FER: variants seen among roughly 807,000 people sequenced by gnomAD.
The protein encoded by FER is tyrosine-protein kinase Fer.
In FER, 63 loss-of-function variants were observed where a neutral mutation model predicts 111.0. The observed-to-expected ratio is 0.57, with a 90% CI of 0.46 to 0.70. FER has a LOEUF of 0.70. Ranked by LOEUF, FER falls within the 30% of genes least tolerant of loss-of-function variation. FER has a pLI of 0.00. For missense variants in FER, 914 were observed against 954.0 expected (o/e 0.96, Z 0.55); for synonymous variants, 327 against 313.9 (o/e 1.04, Z -0.44).
chr5:109,034,867 A>G (rs1770147477), intron 13 of FER, among the ~76,000 whole-genome samples: 1 of 152,096 alleles, frequency 6.6e-6, no homozygotes, highest in Non-Finnish European at 1.5e-5. Context: ...TTGCTTATAT[A>G]TAGGGTTTGG....
rs745831489 is a variant in FER at position 109,047,139 on chromosome 5, A to G, written c.1865A>G (p.Lys622Arg). 1.9e-6 allele frequency: 3 copies of G among 1,607,760 alleles called. No individual in the cohort carries two copies. Among genetic ancestry groups the G allele is most frequent in the Non-Finnish European group, 8.5e-7 (1 of 1,176,644 alleles). Reference sequence around the variant, plus strand: ...CAATATGATCATCCCAATATTGTCAAACTTATAGGAGTTTGCACACAAAGA... The same window carrying G: ...CAATATGATCATCCCAATATTGTCAGACTTATAGGAGTTTGCACACAAAGA... ...LKQYDHPNIV[K>R]LIGVCTQRQP... The change falls in exon 16 of 20, where the codon AAA (lysine) becomes AGA (arginine). Residue 622 changes from lysine (K) to arginine (R), a missense_variant. Physicochemically the swap from Lys to Arg is conservative, Grantham distance 26 (BLOSUM62 2). Around this residue, in one of 3 missense-constraint regions of FER, gnomAD observed 774 missense variants for 782.6 expected, o/e 0.99. Coordinates refer to ENST00000281092, the MANE Select transcript of FER (RefSeq NM_005246.4).
intron 13 of FER, among the ~76,000 whole-genome samples, chr5:108,962,224 A>G (rs1333131697): frequency 1.3e-5 from 2 of 152,212 alleles, no homozygotes; most frequent in Admixed American, 6.5e-5. Flanking sequence ...CACTGCCTTC[A>G]GAGCTTGTGT....
At chr5:108,990,984 T>C (rs536875521) in intron 13 of FER, among the ~76,000 whole-genome samples, 23 of 151,870 alleles carry the variant, frequency 1.5e-4, no homozygotes, top group African/African-American at 5.1e-4. Context: ...AGAATGAATA[T>C]GTATTTGCAT....
At chr5:108,857,117 T>G (rs963747406) in intron 5 of FER, among the ~76,000 whole-genome samples, 1 of 152,116 alleles carries the variant, frequency 6.6e-6, no homozygotes, top group African/African-American at 2.4e-5. Flanking sequence ...CACATTTGCT[T>G]TATGCTTTTC....
At chr5:109,091,473 C>A (rs1482567329) in intron 16 of FER, among the ~76,000 whole-genome samples, 1 of 152,184 alleles carries the variant, frequency 6.6e-6, no homozygotes, top group African/African-American at 2.4e-5. Flanking sequence ...TCCACGGAGA[C>A]CCTCAGAGCC....
rs1759033004 is a variant in FER, at chr5:109,187,651, G to A, written c.*76G>A. 6.6e-7 allele frequency: 1 copy of A among 1,505,450 alleles called. No homozygotes were observed. Among genetic ancestry groups the A allele is most frequent in the Non-Finnish European group, 9.1e-7 (1 of 1,095,104 alleles). 93.3% of individuals were successfully genotyped at this position (1,505,450 alleles called of 1,614,324 possible). A position where few individuals can be genotyped will look rare whatever the true frequency, so the allele number is the denominator to read the frequency against. ...TAACATTATTGTTCTCATTAACAAT[G>A]AATTTATACCACATTACCTTCGACA... is the stretch of plus-strand genomic sequence containing the variant. On this transcript the variant is annotated 3_prime_UTR_variant, in exon 20 of 20. Coordinates refer to ENST00000281092, the MANE Select transcript of FER (RefSeq NM_005246.4).
intron 16 of FER, among the ~76,000 whole-genome samples, chr5:109,094,133 T>A (rs1747175086): frequency 7.3e-5 from 11 of 151,124 alleles, no homozygotes; most frequent in Admixed American, 7.3e-4. Context: ...TGTATCAGCC[T>A]CCAGACATAA....
chr5:108,796,499 G>A (rs1756034311), intron 2 of FER, among the ~76,000 whole-genome samples: 1 of 152,208 alleles, frequency 6.6e-6, no homozygotes, highest in Admixed American at 6.5e-5. Context: ...GTCCAGAAAT[G>A]CTGTCTGTTA....
At chr5:108,887,579 T>C (rs1162777693) in intron 9 of FER, among the ~76,000 whole-genome samples, 1 of 151,764 alleles carries the variant, frequency 6.6e-6, no homozygotes, top group Non-Finnish European at 1.5e-5. Context: ...ATAAAAAAAT[T>C]TTAATGTATT....
intron 8 of FER, among the ~76,000 whole-genome samples, chr5:108,879,913 T>G (rs1241646216): frequency 6.6e-6 from 1 of 151,716 alleles, no homozygotes; most frequent in Non-Finnish European, 1.5e-5. Context: ...TTTCACCATG[T>G]TGGCCAGGCT....
At chr5:109,001,477 C>T (rs1764763500) in intron 13 of FER, among the ~76,000 whole-genome samples, 1 of 152,276 alleles carries the variant, frequency 6.6e-6, no homozygotes, top group South Asian at 2.1e-4. Context: ...ATTGATGGGA[C>T]ATATCTCAAA....
chr5:108,822,763 A>ATTTAT (rs1554072107), intron 3 of FER, among the ~76,000 whole-genome samples: 3 of 118,926 alleles, frequency 2.5e-5, no homozygotes, highest in Admixed American at 8.6e-5. Context: ...ATTTTATTTT[A>ATTTAT]TTTATTTTAT....
rs981788643 is a variant in FER, at chr5:109,161,002, G to A, written c.2049-19745G>A. 3.3e-5 allele frequency among the ~76,000 whole-genome samples: 5 copies of A among 152,068 alleles called. No individual in the cohort carries two copies. The South Asian group carries it at 6.2e-4, about 19-fold the overall frequency. On this transcript the variant is annotated intron_variant, in intron 17 of 19. Coordinates refer to ENST00000281092, the MANE Select transcript of FER (RefSeq NM_005246.4). ...GCATAATGACCTTTTTTCAAATTCT[G>A]TCTCTCCAAGGTGCACTAAAAGCTT...
At chr5:108,856,691 A>T (rs1763040975) in intron 5 of FER, among the ~76,000 whole-genome samples, 1 of 152,168 alleles carries the variant, frequency 6.6e-6, no homozygotes, top group African/African-American at 2.4e-5. Flanking sequence ...CATTTAAAGG[A>T]TGAATGCCCT....
intron 17 of FER, among the ~76,000 whole-genome samples, chr5:109,151,538 A>G (rs558314807): frequency 6.6e-6 from 1 of 152,202 alleles, no homozygotes; most frequent in South Asian, 2.1e-4. Flanking sequence ...ATTTTCTTTC[A>G]TTGGTAAATT....
intron 16 of FER, among the ~76,000 whole-genome samples, chr5:109,054,800 TGTGG>T (rs1773415179): frequency 2.6e-5 from 4 of 152,242 alleles, no homozygotes; most frequent in Non-Finnish European, 4.4e-5. Context: ...ATTTTTGGCA[TGTGG>T]ATATCCAGTT....
At chr5:108,923,411 G>A (rs545247745) in intron 10 of FER, among the ~76,000 whole-genome samples, 23 of 152,196 alleles carry the variant, frequency 1.5e-4, no homozygotes, top group Middle Eastern at 6.8e-3. Flanking sequence ...AGATGTTTAT[G>A]TCAGAATTGT....
chr5:109,170,053 C>T (rs149512942), intron 17 of FER, among the ~76,000 whole-genome samples: 2 of 152,120 alleles, frequency 1.3e-5, no homozygotes, highest in Non-Finnish European at 2.9e-5. Context: ...ATTATGGCAC[C>T]TTGTGCATCA....
rs897048106 is a variant in FER at position 109,195,100 on chromosome 5, C to T, written c.*7525C>T. The T allele has an allele frequency of 1.6e-4, 25 of 152,160 alleles. No individual in the cohort carries two copies. Among genetic ancestry groups the T allele is most frequent in the African/African-American group, 6.0e-4 (25 of 41,438 alleles). The allele number at this position is 152,160 out of a possible 1,614,324, so 9.4% of individuals were successfully genotyped here. On this transcript the variant is annotated 3_prime_UTR_variant, in exon 20 of 20. Coordinates refer to ENST00000281092, the MANE Select transcript of FER (RefSeq NM_005246.4). ...CACACCCTCTTATGTAGGAATTTCC[C>T]TTTTACAAATAATTTGACCTGGTAG... is the stretch of plus-strand genomic sequence containing the variant.
Sources: allele counts gnomAD v4.1 joint callset (sites outside exome capture counted in the v4.1 genomes callset), GRCh38; gene constraint gnomAD v4.1.1; regional missense constraint gnomAD v4.1.1; transcripts MANE v1.5; gene names NCBI Gene and HGNC (gene_info 2026-07-23, HGNC 2026-07-21).